Variants in TRIM29 observed in about 807,000 individuals in gnomAD.
The protein encoded by TRIM29 is tripartite motif containing 29, also known as tripartite motif-containing protein 29.
In TRIM29, 52 loss-of-function variants were observed where a neutral mutation model predicts 57.3. The observed-to-expected ratio is 0.91, with a 90% CI of 0.73 to 1.14. The LOEUF (loss-of-function observed/expected upper bound fraction) is 1.14. Ranked by LOEUF, TRIM29 falls within the 50% of genes most tolerant of loss-of-function variation. The probability of loss-of-function intolerance (pLI) is 0.00; values close to 1 mark genes in which losing one functional copy is unlikely to be tolerated. For synonymous variants in TRIM29, 319 were observed against 316.9 expected, an observed-to-expected ratio of 1.01 and a Z score of -0.07; for missense variants, 753 against 774.6, an observed-to-expected ratio of 0.97 and a Z score of 0.33.
Position 120,126,514 on chromosome 11 carries a change from G to A in TRIM29, c.1135-625C>T, listed in dbSNP as rs142693135. Reference sequence around the variant, plus strand: ...CTACCTTGGCCTCCCAAAGTGCTGGGATTACAGGCGTGAGCCACCATGCCC... The same window carrying A: ...CTACCTTGGCCTCCCAAAGTGCTGGAATTACAGGCGTGAGCCACCATGCCC... On this transcript the variant is annotated intron_variant, in intron 3 of 8. Transcript: ENST00000341846. 3.9e-3 allele frequency among the ~76,000 whole-genome samples: 597 copies of A among 152,280 alleles called. 4 individuals are homozygous for A. Among genetic ancestry groups the A allele is most frequent in the African/African-American group, 0.012 (504 of 41,576 alleles).
chr11:120,132,707 T>C (rs1294195382), intron 1 of TRIM29, among the ~76,000 whole-genome samples: 1 of 152,222 alleles, frequency 6.6e-6, no homozygotes, highest in East Asian at 1.9e-4. Flanking sequence ...ACATGGGCCA[T>C]CGGCTGTGAC....
chr11:120,114,263 A>T (rs1366305510), intron 8 of TRIM29, among the ~76,000 whole-genome samples: 1 of 152,106 alleles, frequency 6.6e-6, no homozygotes, highest in Non-Finnish European at 1.5e-5. Flanking sequence ...TAGGGAGGGG[A>T]AGGACTGAGT....
chr11:120,131,092 C>G (rs1021117783), intron 1 of TRIM29, among the ~76,000 whole-genome samples: 12 of 152,210 alleles, frequency 7.9e-5, no homozygotes, highest in East Asian at 1.9e-4. Context: ...GGACTAACCA[C>G]CTGCAAGTGG....
chr11:120,127,543 G>A lies in TRIM29; in HGVS notation c.927C>T (p.Ile309=), dbSNP rs539452327. 7 of 1,614,076 alleles carry A rather than the reference G, an allele frequency of 4.3e-6. No individual in the cohort carries two copies. In the East Asian group the frequency reaches 1.6e-4, roughly 36 times the overall value. The change falls in exon 3 of 9, where the codon ATC becomes ATT. Residue 309 remains isoleucine, a synonymous_variant. Transcript: ENST00000341846. ...IKSFTTNEKA[I]LEQNFRDLVR... Reference sequence around the variant, plus strand: ...CCAGGTCCCGGAAGTTCTGCTCCAGGATGGCCTTCTCATTGGTGGTGAAGC... The same window carrying A: ...CCAGGTCCCGGAAGTTCTGCTCCAGAATGGCCTTCTCATTGGTGGTGAAGC...
intron 4 of TRIM29, chr11:120,123,790 T>A: frequency 3.1e-6 from 1 of 317,612 alleles, no homozygotes; most frequent in Non-Finnish European, 6.1e-6. Flanking sequence ...TCATTCTTCA[T>A]CTTCATCACC....
In TRIM29 at chr11:120,132,278, TCTCC is replaced by T. The variant is rs529481336; in HGVS notation, c.805-3787_805-3784del. Among the ~76,000 whole-genome samples the T allele has an allele frequency of 4.1e-3, 609 of 150,244 alleles. 3 individuals carry two copies. Among genetic ancestry groups the T allele is most frequent in the African/African-American group, 0.014 (555 of 40,706 alleles). On this transcript the variant is annotated intron_variant, in intron 1 of 8. Coordinates refer to ENST00000341846, the MANE Select transcript of TRIM29 (RefSeq NM_012101.4). ...GAGGCCCCAGCTTTCTCTCTCCCTC[TCTCC>T]CTCTTCCCTCAGAAAGTGGTTGAAG...
At chr11:120,125,390 C>T (rs12224472) in intron 4 of TRIM29, 7,597 of 407,998 alleles carry the variant, frequency 0.019, 421 homozygotes, top group East Asian at 0.16. Flanking sequence ...TAGATCTGAA[C>T]GAAACCAGTC....
intron 4 of TRIM29, chr11:120,123,756 A>C: frequency 3.0e-6 from 1 of 328,064 alleles, no homozygotes; most frequent in South Asian, 2.6e-5. Context: ...CTCCTGAGCA[A>C]GAGGAGAAAT....
chr11:120,131,383 A>T (rs1054265363), intron 1 of TRIM29, among the ~76,000 whole-genome samples: 3 of 152,148 alleles, frequency 2.0e-5, no homozygotes, highest in Admixed American at 1.3e-4. Context: ...GGAAGAGGGC[A>T]ATAGGGCTAG....
chr11:120,130,467 A>G (rs538799097), intron 1 of TRIM29, among the ~76,000 whole-genome samples: 2 of 152,338 alleles, frequency 1.3e-5, no homozygotes, highest in South Asian at 4.1e-4. Flanking sequence ...CCTGTCTCAA[A>G]TAGGAGATGG....
At chr11:120,112,554 G>A (rs1863161510) in intron 8 of TRIM29, 78 bp from the exon 9 acceptor site, 9 of 1,490,068 alleles carry the variant, frequency 6.0e-6, no homozygotes, top group South Asian at 1.1e-5. Context: ...ACCCTAACCT[G>A]CCTCAGGAGG....
At position 120,137,843 on chromosome 11, in the gene TRIM29, C is replaced by A; in HGVS notation, c.189G>T (p.Gly63=). 1 of 1,612,422 alleles carries A rather than the reference C, an allele frequency of 6.2e-7. No individual in the cohort carries two copies. Among genetic ancestry groups the A allele is most frequent in the Non-Finnish European group, 8.5e-7 (1 of 1,180,020 alleles). Residue 63 remains glycine (G), a synonymous_variant, in exon 1 of 9, where the codon GGG becomes GGT. Transcript: ENST00000341846. This position sits in a 1 kb window ranked among gnomAD's most constrained non-coding sequence, Gnocchi z 6.2. The part of the protein sequence containing the change: ...GKSLGSALKP[G]EGRSALFAGN... ...CCGCGAACAGGGCGCTCCTACCTTC[C>A]CCTGGCTTCAGGGCGCTGCCCAGGC...
intron 1 of TRIM29, among the ~76,000 whole-genome samples, chr11:120,130,685 C>T (rs778453282): frequency 1.3e-5 from 2 of 152,202 alleles, no homozygotes; most frequent in Non-Finnish European, 2.9e-5. Context: ...TTTGGCACAG[C>T]GTGAGCACTG....
chr11:120,137,403 T>A lies in TRIM29; in HGVS notation c.629A>T (p.Asp210Val). ...KPHLEGAAFRDHQLLEPIRDF... is the reference protein window; with the variant it reads ...KPHLEGAAFRVHQLLEPIRDF... ...CCGGATGGGCTCGAGCAGCTGGTGG[T>A]CTCGGAAGGCGGCGCCCTCCAGGTG... Residue 210 changes from aspartate to valine, a missense_variant, in exon 1 of 9, where the codon GAC (aspartate) becomes GTC (valine). Physicochemically the swap from Asp to Val is radical, Grantham distance 152 (BLOSUM62 -3). Transcript: ENST00000341846. The surrounding 1 kb of genome is among the most constrained non-coding windows in gnomAD (Gnocchi z 6.2). 6.2e-7 allele frequency: 1 copy of A among 1,611,880 alleles called. No homozygotes were observed. The highest frequency in any genetic ancestry group is 8.5e-7 in the Non-Finnish European group (1 of 1,179,978).
intron 6 of TRIM29, among the ~76,000 whole-genome samples, chr11:120,120,253 C>T (rs1863399655): frequency 1.3e-5 from 2 of 151,804 alleles, no homozygotes; most frequent in African/African-American, 4.8e-5. Context: ...CCTCAGGGAT[C>T]AGAAGAGCAC....
rs1863241199 is a variant in TRIM29 at position 120,115,400 on chromosome 11, T to G, written c.1642A>C (p.Met548Leu). 1 of 1,613,758 alleles carries G rather than the reference T, an allele frequency of 6.2e-7. No individual in the cohort carries two copies. Among genetic ancestry groups the G allele is most frequent in the Non-Finnish European group, 8.5e-7 (1 of 1,179,914 alleles). ...SFSLKGYPSL[M>L]RSQSPKAQPQ... is the part of the protein sequence containing the mutation. ...TGGGCCTTGGGGCTTTGGCTCCGCA[T>G]GAGGGAGGGATAGCCTGGGAAGACA... is the stretch of plus-strand genomic sequence containing the variant. The change falls in exon 8 of 9, where the codon ATG (methionine) becomes CTG (leucine). Residue 548 changes from methionine (M) to leucine (L), a missense_variant. Met to Leu is a conservative substitution (Grantham distance 15). Coordinates refer to ENST00000341846, the MANE Select transcript of TRIM29 (RefSeq NM_012101.4).
intron 4 of TRIM29, chr11:120,123,658 G>A (rs371261704): frequency 1.7e-5 from 6 of 352,510 alleles, no homozygotes; most frequent in Middle Eastern, 1.0e-3. Context: ...TCTGCTGCTC[G>A]ACACTTGACT....
intron 1 of TRIM29, chr11:120,128,977 AG>A: frequency 7.8e-7 from 1 of 1,274,882 alleles, no homozygotes; most frequent in South Asian, 1.6e-5. Context: ...AGCAGCAGCC[AG>A]GGTTGCCGCC....
chr11:120,117,831 T>A, intron 7 of TRIM29: 1 of 222,364 alleles, frequency 4.5e-6, no homozygotes, highest in Admixed American at 5.2e-5. Context: ...TGCTGGCAGG[T>A]GCCCCATGGC....
Sources: gnomAD v4.1 joint callset for allele counts (sites outside exome capture counted in the v4.1 genomes callset) on GRCh38, gnomAD v4.1.1 for gene constraint, Gnocchi (gnomAD v3.1) non-coding constraint, MANE v1.5 for transcripts, NCBI Gene and HGNC (gene_info 2026-07-23, HGNC 2026-07-21) for gene names.